The following CEP170 variants were observed in gnomAD, a reference collection of about 807,000 sequenced individuals.
CEP170 encodes centrosomal protein of 170 kDa.
A neutral mutation model predicts 151.9 loss-of-function variants in CEP170; 21 were observed. The ratio of observed to expected loss-of-function variants is 0.14; its 90% confidence interval spans 0.10 to 0.20. The LOEUF (loss-of-function observed/expected upper bound fraction) is 0.20. Among genes scored for constraint, CEP170 ranks in the 10% least tolerant of loss-of-function variants. The pLI, the probability that CEP170 is intolerant of heterozygous loss-of-function variation, is 1.00. For synonymous variants in CEP170, 356 were observed against 648.8 expected (o/e 0.55, Z 6.86); for missense variants, 964 against 1,892.9 (o/e 0.51, Z 9.11).
chr1:243,131,189 T>G (rs1322984296), intron 17 of CEP170, among the ~76,000 whole-genome samples: 1 of 152,152 alleles, frequency 6.6e-6, no homozygotes, highest in Non-Finnish European at 1.5e-5. Flanking sequence ...ATAAATGGTT[T>G]ATTTTAAAAT....
chr1:243,208,057 G>C (rs1285525017), intron 4 of CEP170, among the ~76,000 whole-genome samples: 2 of 151,962 alleles, frequency 1.3e-5, no homozygotes, highest in Non-Finnish European at 2.9e-5. Context: ...GTTATTAAAA[G>C]GATGCCTTCC....
upstream of CEP170, among the ~76,000 whole-genome samples, chr1:243,255,551 G>A (rs2066559523): frequency 6.6e-6 from 1 of 152,254 alleles, no homozygotes; most frequent in African/African-American, 2.4e-5. Context: ...CATGCTAGGA[G>A]TTGTAGTGTC....
chr1:243,147,766 G>A (rs1234393325), intron 14 of CEP170, among the ~76,000 whole-genome samples: 1 of 152,076 alleles, frequency 6.6e-6, no homozygotes, highest in Non-Finnish European at 1.5e-5. Flanking sequence ...AGGTAAAAAT[G>A]GGGCTAAGAC....
intron 10 of CEP170, among the ~76,000 whole-genome samples, chr1:243,179,885 T>C (rs1288596141): frequency 1.3e-5 from 2 of 152,112 alleles, no homozygotes; most frequent in Non-Finnish European, 2.9e-5. Context: ...AAACACAACA[T>C]GGCAATCTGA....
At chr1:243,141,104 T>C (rs2055781308) in intron 15 of CEP170, among the ~76,000 whole-genome samples, 1 of 152,212 alleles carries the variant, frequency 6.6e-6, no homozygotes, top group Non-Finnish European at 1.5e-5. Context: ...GATTAAAGAA[T>C]GTGACAAAAA....
chr1:243,222,529 A>G (rs2062907850), intron 2 of CEP170, among the ~76,000 whole-genome samples: 2 of 152,254 alleles, frequency 1.3e-5, no homozygotes, highest in Non-Finnish European at 2.9e-5. Context: ...TTGAAAGGAA[A>G]TATCATTATA....
At chr1:243,173,336 A>G (rs1331817153) in intron 10 of CEP170, among the ~76,000 whole-genome samples, 1 of 151,854 alleles carries the variant, frequency 6.6e-6, no homozygotes, top group Non-Finnish European at 1.5e-5. Flanking sequence ...CTGGGATTAC[A>G]GGCATGAGCC....
At position 243,156,403 on chromosome 1, in the gene CEP170, A is replaced by G. The variant is rs2057554820; in HGVS notation, c.3729T>C (p.Asp1243=). ...FPTDYASTSE[D]EFGSNRNSPK... is the part of the protein sequence containing the mutation. ...GGGAATTACGGTTTGATCCAAATTC[A>G]TCTTCTGAGGTGGAAGCATAATCAG... The change falls in exon 14 of 20, where the codon GAT becomes GAC. Residue 1243 remains aspartate (D), a synonymous_variant. Transcript: ENST00000366542. 2.6e-6 allele frequency: 4 copies of G among 1,554,086 alleles called. No individual in the cohort carries two copies. Among genetic ancestry groups the G allele is most frequent in the South Asian group, 2.4e-5 (2 of 84,238 alleles).
At chr1:243,141,019 T>C (rs2055771965) in intron 15 of CEP170, among the ~76,000 whole-genome samples, 1 of 152,310 alleles carries the variant, frequency 6.6e-6, no homozygotes, top group East Asian at 1.9e-4. Flanking sequence ...TCTACACAGA[T>C]TGATGAAGTA....
At chr1:243,230,713 T>C (rs202035121) in intron 1 of CEP170, among the ~76,000 whole-genome samples, 24 of 152,140 alleles carry the variant, frequency 1.6e-4, no homozygotes, top group East Asian at 1.4e-3. Context: ...ATCTTCAATA[T>C]GAGAAGCAGA....
intron 4 of CEP170, among the ~76,000 whole-genome samples, chr1:243,207,964 TGGTTAA>T (rs913053391): frequency 2.0e-5 from 3 of 152,102 alleles, no homozygotes; most frequent in Non-Finnish European, 4.4e-5. Flanking sequence ...TGTGAAAACT[TGGTTAA>T]GTCTAAAGCT....
chr1:243,159,158 T>C (rs938559948), intron 13 of CEP170, among the ~76,000 whole-genome samples: 1 of 152,144 alleles, frequency 6.6e-6, no homozygotes, highest in African/African-American at 2.4e-5. Context: ...TTCTTTAAAA[T>C]TGAGGAGGAA....
At chr1:243,163,153 A>C (rs1163968341) in intron 13 of CEP170, 10 of 152,232 alleles carry the variant, frequency 6.6e-5, no homozygotes, top group Non-Finnish European at 1.0e-4. Flanking sequence ...TCATATGCAA[A>C]GTACTGTTCC....
chr1:243,158,817 C>T (rs1489258016), intron 13 of CEP170, among the ~76,000 whole-genome samples: 1 of 151,984 alleles, frequency 6.6e-6, no homozygotes, highest in African/African-American at 2.4e-5. Flanking sequence ...GCCTGTAATC[C>T]CAGCACTTTG....
chr1:243,150,635 C>T (rs1299364349), intron 14 of CEP170, among the ~76,000 whole-genome samples: 2 of 152,112 alleles, frequency 1.3e-5, no homozygotes, highest in African/African-American at 2.4e-5. Flanking sequence ...GAATGTAATG[C>T]TGATTCTGAA....
chr1:243,142,194 A>T, intron 15 of CEP170, 122 bp downstream of exon 15: 1 of 1,558,222 alleles, frequency 6.4e-7, no homozygotes, highest in Non-Finnish European at 8.6e-7. Context: ...AAGTTGGAAA[A>T]TGCAGAGCTT....
intron 3 of CEP170, 132 bp downstream of exon 3, chr1:243,221,592 A>G: frequency 1.2e-6 from 1 of 861,130 alleles, no homozygotes; most frequent in Admixed American, 2.9e-5. Context: ...AGTGCTATGT[A>G]CCTGATAAGC....
chr1:243,164,220 A>ATT lies in CEP170; in HGVS notation c.3676+63_3676+64insAA, dbSNP rs1558464629. 6.1e-6 allele frequency: 8 copies of ATT among 1,314,152 alleles called. No individual in the cohort carries two copies. In the African/African-American group the frequency reaches 1.2e-4, roughly 20 times the overall value. 81.4% of individuals were successfully genotyped at this position (1,314,152 alleles called of 1,614,324 possible). On this transcript the variant is annotated intron_variant, in intron 13 of 19. Coordinates refer to ENST00000366542, the MANE Select transcript of CEP170 (RefSeq NM_014812.3). ...ACTAGAACCTTACTTTTTTTTTTAA[A>ATT]AAAAAAAAGGAGCCCCCAAATATAC... is the stretch of plus-strand genomic sequence containing the variant.
intron 7 of CEP170, among the ~76,000 whole-genome samples, chr1:243,198,772 G>A (rs999420448): frequency 1.3e-5 from 2 of 151,696 alleles, no homozygotes; most frequent in African/African-American, 4.8e-5. Context: ...AAAATGCCTA[G>A]TTATATCATT....
Sources: gnomAD v4.1 joint callset for allele counts (sites outside exome capture counted in the v4.1 genomes callset) on GRCh38, gnomAD v4.1.1 for gene constraint, MANE v1.5 for transcripts, NCBI Gene and HGNC (gene_info 2026-07-23, HGNC 2026-07-21) for gene names.